CSMD1: variants seen among roughly 807,000 people sequenced by gnomAD.
CSMD1 encodes the protein CUB and sushi domain-containing protein 1.
In CSMD1, 213 loss-of-function variants were observed where a neutral mutation model predicts 417.5. The ratio of observed to expected loss-of-function variants is 0.51; its 90% CI spans 0.46 to 0.57. The LOEUF is 0.57. Among genes scored for constraint, CSMD1 ranks in the 20% least tolerant of loss-of-function variants. CSMD1 has a pLI of 0.00. For synonymous variants in CSMD1, 2,862 were observed against 1,736.8 expected, an observed-to-expected ratio of 1.65 and a Z score of -16.11; for missense variants, 6,923 against 4,529.7, an observed-to-expected ratio of 1.53 and a Z score of -15.17.
At chr8:4,775,028 T>C (rs1006823342) in intron 1 of CSMD1, among the ~76,000 whole-genome samples, 1 of 152,118 alleles carries the variant, frequency 6.6e-6, no homozygotes, top group African/African-American at 2.4e-5. Context: ...AATGGACTAA[T>C]ATATGAACAA....
intron 12 of CSMD1, among the ~76,000 whole-genome samples, chr8:3,450,055 G>A (rs562265633): frequency 3.3e-5 from 5 of 152,136 alleles, no homozygotes; most frequent in African/African-American, 4.8e-5. Flanking sequence ...TTCCCTGGTT[G>A]AGACACATAC....
intron 1 of CSMD1, among the ~76,000 whole-genome samples, chr8:4,856,627 T>C (rs1585219799): frequency 1.4e-5 from 2 of 145,984 alleles, no homozygotes. Context: ...TAGTCTCTGA[T>C]AAAACAGACT....
rs140612466 is a variant in CSMD1 at position 4,916,483 on chromosome 8, G to C, written c.85+77849C>G. Among the ~76,000 whole-genome samples, 128 of 152,340 alleles carry C rather than the reference G, an allele frequency of 8.4e-4. 1 individual carries two copies. The highest frequency in any genetic ancestry group is 3.0e-3 in the African/African-American group (123 of 41,580). ...AAGATGGTTTTGTTCAACTTGCAAT[G>C]TATGTTTTCTTTCTTCCTCATGGAA... On this transcript the variant is annotated intron_variant, in intron 1 of 69. Transcript: ENST00000635120.
At chr8:3,715,514 A>T (rs1336874253) in intron 6 of CSMD1, among the ~76,000 whole-genome samples, 1 of 152,122 alleles carries the variant, frequency 6.6e-6, no homozygotes, top group Non-Finnish European at 1.5e-5. Context: ...CCATCTTTAC[A>T]AACTAAGACA....
chr8:4,650,237 C>A (rs919685169), intron 1 of CSMD1, among the ~76,000 whole-genome samples: 3 of 148,898 alleles, frequency 2.0e-5, no homozygotes, highest in Non-Finnish European at 3.0e-5. Flanking sequence ...CCCAGCTACT[C>A]GGGAGGCTGA....
chr8:3,552,830 T>C (rs1201067965), intron 10 of CSMD1, among the ~76,000 whole-genome samples: 1 of 152,134 alleles, frequency 6.6e-6, no homozygotes, highest in African/African-American at 2.4e-5. Context: ...AATTGTATAA[T>C]TTATATTCTT....
chr8:4,153,663 A>G (rs1796683605), intron 3 of CSMD1, among the ~76,000 whole-genome samples: 1 of 152,172 alleles, frequency 6.6e-6, no homozygotes, highest in Non-Finnish European at 1.5e-5. Flanking sequence ...ATTTTCTCAT[A>G]ACGTCACTGC....
intron 1 of CSMD1, among the ~76,000 whole-genome samples, chr8:4,652,330 T>C (rs776488636): frequency 3.3e-5 from 5 of 152,166 alleles, no homozygotes; most frequent in Admixed American, 1.3e-4. Context: ...ATTAGTCTAA[T>C]GTATTAGCAT....
At chr8:3,855,411 C>T (rs1330309736) in intron 5 of CSMD1, among the ~76,000 whole-genome samples, 1 of 151,734 alleles carries the variant, frequency 6.6e-6, no homozygotes, top group Non-Finnish European at 1.5e-5. Flanking sequence ...AAAATAAAAG[C>T]ATATTCTATA....
At chr8:4,732,361 G>GTGT (rs1809948107) in intron 1 of CSMD1, among the ~76,000 whole-genome samples, 1 of 148,100 alleles carries the variant, frequency 6.8e-6, no homozygotes, top group Non-Finnish European at 1.5e-5. Flanking sequence ...GTGTGTGTGT[G>GTGT]TGTGTGTGTG....
chr8:4,723,190 G>C (rs982384062), intron 1 of CSMD1, among the ~76,000 whole-genome samples: 3 of 152,066 alleles, frequency 2.0e-5, no homozygotes, highest in Non-Finnish European at 2.9e-5. Context: ...TGGGGAACCC[G>C]CCAGGAAGTC....
At chr8:4,398,725 C>A (rs1410338012) in intron 3 of CSMD1, among the ~76,000 whole-genome samples, 1 of 152,134 alleles carries the variant, frequency 6.6e-6, no homozygotes, top group Non-Finnish European at 1.5e-5. Context: ...AGCTTTCAAA[C>A]AAATGCTAAC....
At chr8:4,876,017 G>T (rs182505446) in intron 1 of CSMD1, among the ~76,000 whole-genome samples, 14 of 152,130 alleles carry the variant, frequency 9.2e-5, no homozygotes, top group East Asian at 1.9e-4. Flanking sequence ...TAAAAAGTTA[G>T]AATTTTAGTA....
intron 10 of CSMD1, among the ~76,000 whole-genome samples, chr8:3,572,380 G>C (rs984296620): frequency 2.4e-4 from 36 of 152,152 alleles, no homozygotes; most frequent in African/African-American, 8.0e-4. Flanking sequence ...GTGGGCAGGA[G>C]AGGGGCTTGG....
At chr8:3,211,205 C>T (rs4319125) in intron 30 of CSMD1, among the ~76,000 whole-genome samples, 3 of 151,918 alleles carry the variant, frequency 2.0e-5, no homozygotes, top group African/African-American at 4.8e-5. Flanking sequence ...CCACCCCACA[C>T]AGCTAATTTT....
At chr8:3,247,959 C>T (rs1018373929) in intron 26 of CSMD1, among the ~76,000 whole-genome samples, 1 of 152,176 alleles carries the variant, frequency 6.6e-6, no homozygotes, top group Non-Finnish European at 1.5e-5. Flanking sequence ...TTACAACCAC[C>T]TCCCGAAATC....
intron 1 of CSMD1, among the ~76,000 whole-genome samples, chr8:4,688,542 G>A (rs1416601207): frequency 6.6e-6 from 1 of 152,066 alleles, no homozygotes; most frequent in Non-Finnish European, 1.5e-5. Context: ...CTCCAAAATG[G>A]CTCTTAATTA....
At chr8:3,635,641 G>C (rs914598232) in intron 7 of CSMD1, among the ~76,000 whole-genome samples, 1 of 151,192 alleles carries the variant, frequency 6.6e-6, no homozygotes, top group South Asian at 2.1e-4. Flanking sequence ...CAGCCACCAT[G>C]CCTGGCTATT....
In CSMD1 at chr8:3,423,796, T is replaced by C. The variant is rs150289803; in HGVS notation, c.1562-14191A>G. On this transcript the variant is annotated intron_variant, in intron 12 of 69. Coordinates refer to ENST00000635120, the MANE Select transcript of CSMD1 (RefSeq NM_033225.6). Reference sequence around the variant, plus strand: ...CACAGAATAGGCACATACTTTTTGGTGAATGGGTACTCCCTCAGCGACCTT... The same window carrying C: ...CACAGAATAGGCACATACTTTTTGGCGAATGGGTACTCCCTCAGCGACCTT... 7.9e-4 allele frequency among the ~76,000 whole-genome samples: 120 copies of C among 152,306 alleles called. 3 individuals carry two copies. The East Asian group carries it at 0.022, about 28-fold the overall frequency.
Sources: gnomAD v4.1 joint callset for allele counts (sites outside exome capture counted in the v4.1 genomes callset) on GRCh38, gnomAD v4.1.1 for gene constraint, MANE v1.5 for transcripts, NCBI Gene and HGNC (gene_info 2026-07-23, HGNC 2026-07-21) for gene names.